AMN1: variants seen among roughly 807,000 people sequenced by gnomAD.
The protein encoded by AMN1 is protein AMN1 homolog.
AMN1 carries 20 observed loss-of-function variants against 33.0 expected under a neutral mutation model. The observed-to-expected ratio is 0.61, with a 90% CI of 0.43 to 0.88. The LOEUF (loss-of-function observed/expected upper bound fraction) is 0.88, where lower values mean the gene tolerates loss of function less well. Among genes scored for constraint, AMN1 ranks in the 40% least tolerant of loss-of-function variants. AMN1 has a pLI of 0.00. For synonymous variants in AMN1, 114 were observed against 111.9 expected, an observed-to-expected ratio of 1.02 and a Z score of -0.12; for missense variants, 246 against 307.4, an observed-to-expected ratio of 0.80 and a Z score of 1.49.
intron 6 of AMN1, among the ~76,000 whole-genome samples, chr12:31,682,969 T>C (rs1938094957): frequency 6.6e-6 from 1 of 151,268 alleles, no homozygotes; most frequent in Non-Finnish European, 1.5e-5. Flanking sequence ...TATTCTTTTT[T>C]TTTTTTTTTT....
At chr12:31,695,487 C>CTTTCTTTTTTTTTTT (rs59342673) in intron 5 of AMN1, among the ~76,000 whole-genome samples, 1 of 130,692 alleles carries the variant, frequency 7.7e-6, no homozygotes, top group Non-Finnish European at 1.6e-5. Flanking sequence ...TTCTTTCTTT[C>CTTTCTTTTTTTTTTT]TTTTTTTTTT....
At chr12:31,690,941 C>G (rs1799005036) in intron 5 of AMN1, among the ~76,000 whole-genome samples, 1 of 152,044 alleles carries the variant, frequency 6.6e-6, no homozygotes, top group Non-Finnish European at 1.5e-5. Flanking sequence ...CGAGACCATC[C>G]TGGCTAACAT....
chr12:31,723,699 TTA>T (rs1939959578), intron 1 of AMN1, among the ~76,000 whole-genome samples: 1 of 152,190 alleles, frequency 6.6e-6, no homozygotes, highest in African/African-American at 2.4e-5. Context: ...TGCCATTTCT[TTA>T]TGTGTTGTCT....
intron 6 of AMN1, 41 bp downstream of exon 6, chr12:31,688,966 A>C (rs1041324720): frequency 7.4e-7 from 1 of 1,352,728 alleles, no homozygotes; most frequent in East Asian, 2.3e-5. Flanking sequence ...ACAGTAAAAG[A>C]TGAAGCCAGA....
At chr12:31,727,671 T>C (rs762235993) in intron 1 of AMN1, among the ~76,000 whole-genome samples, 4 of 152,202 alleles carry the variant, frequency 2.6e-5, no homozygotes, top group Non-Finnish European at 5.9e-5. Context: ...TTTTCCTTAT[T>C]AGAAATTTCA....
intron 3 of AMN1, 110 bp downstream of exon 3, chr12:31,701,753 A>G (rs1329256712): frequency 1.1e-6 from 1 of 913,606 alleles, no homozygotes; most frequent in African/African-American, 1.7e-5. Context: ...TATAATTCAT[A>G]TTTCTCTGAC....
At position 31,685,025 on chromosome 12, in the gene AMN1, A is replaced by ATTGTTTTT. The variant is rs1183167787; in HGVS notation, c.703+3981_703+3982insAAAAACAA. 1.4e-5 allele frequency among the ~76,000 whole-genome samples: 2 copies of ATTGTTTTT among 146,516 alleles called. 1 individual carries two copies. Among genetic ancestry groups the ATTGTTTTT allele is most frequent in the Non-Finnish European group, 3.0e-5 (2 of 66,468 alleles). ...ATTTTTATAAATTTTGTTTTCCATA[A>ATTGTTTTT]TTATTATTTTTTTTTTTTTGAGATA... On this transcript the variant is annotated intron_variant, in intron 6 of 6. Coordinates refer to ENST00000281471, the MANE Select transcript of AMN1 (RefSeq NM_001113402.2).
chr12:31,714,759 A>T (rs1336331369), intron 1 of AMN1: 1 of 205,812 alleles, frequency 4.9e-6, no homozygotes, highest in African/African-American at 2.4e-5. Flanking sequence ...CAATACAAAC[A>T]ACTCTGGAGC....
At chr12:31,722,130 GAC>G (rs57266162) in intron 1 of AMN1, among the ~76,000 whole-genome samples, 7,565 of 143,896 alleles carry the variant, frequency 0.053, 217 homozygotes, top group African/African-American at 0.089. Flanking sequence ...TCAGGCCTTT[GAC>G]ACACACACAC....
chr12:31,691,360 A>T (rs1316734680), intron 5 of AMN1, among the ~76,000 whole-genome samples: 1 of 152,088 alleles, frequency 6.6e-6, no homozygotes, highest in African/African-American at 2.4e-5. Flanking sequence ...TGGTTGCCTA[A>T]GAGAGGGTCA....
At chr12:31,682,963 CT>C (rs34868408) in intron 6 of AMN1, among the ~76,000 whole-genome samples, 2,709 of 137,774 alleles carry the variant, frequency 0.02, 54 homozygotes, top group African/African-American at 0.064. Flanking sequence ...GTATGCTATT[CT>C]TTTTTTTTTT....
chr12:31,725,895 C>T (rs1940044063), intron 1 of AMN1, among the ~76,000 whole-genome samples: 1 of 152,078 alleles, frequency 6.6e-6, no homozygotes, highest in Non-Finnish European at 1.5e-5. Context: ...GACAGGGTTT[C>T]ACCATGTTGG....
chr12:31,728,793 A>G (rs775494203), intron 1 of AMN1, among the ~76,000 whole-genome samples, 178 bp downstream of exon 1: 14 of 151,300 alleles, frequency 9.3e-5, no homozygotes, highest in African/African-American at 1.7e-4. Context: ...ACTTTGCACA[A>G]CTGTCCTCAG....
chr12:31,673,784 CTG>C (rs1951330633), intron 6 of AMN1: 2 of 271,852 alleles, frequency 7.4e-6, no homozygotes, highest in Admixed American at 9.8e-5. Flanking sequence ...CCATGACCAA[CTG>C]AGATTTATCA....
chr12:31,689,116 C>T lies in AMN1; in HGVS notation c.594G>A (p.Glu198=). 1 of 1,599,986 alleles carries T rather than the reference C, an allele frequency of 6.3e-7. No individual in the cohort carries two copies. Among genetic ancestry groups the T allele is most frequent in the Non-Finnish European group, 8.6e-7 (1 of 1,168,880 alleles). ...VSGPCAKKLE[E]IHMGHCVNLT... is the part of the protein sequence containing the mutation. ...GATTTACACAATGTCCCATATGAAT[C>T]TCCTATGCAAAAATAAAGAAAATAA... The change falls in exon 6 of 7, where the codon GAG becomes GAA. Residue 198 remains glutamate, a splice_region_variant and synonymous_variant. Coordinates refer to ENST00000281471, the MANE Select transcript of AMN1 (RefSeq NM_001113402.2).
At chr12:31,715,565 G>A in intron 1 of AMN1, 1 of 163,076 alleles carries the variant, frequency 6.1e-6, no homozygotes, top group South Asian at 1.5e-4. Context: ...TCATTTTTCA[G>A]CAAGCTGCTT....
Position 31,719,161 on chromosome 12 carries a change from C to G in AMN1, c.39-9736G>C, listed in dbSNP as rs143223477. 1,045 of 168,210 alleles carry G rather than the reference C, an allele frequency of 6.2e-3. 6 individuals are homozygous for G. The highest frequency in any genetic ancestry group is 0.024 in the African/African-American group (1,011 of 41,842). 10.4% of individuals were successfully genotyped at this position (168,210 alleles called of 1,614,324 possible). On this transcript the variant is annotated intron_variant, in intron 1 of 6. Transcript: ENST00000281471. ...GGCGACGCCCTGCCCTGCTTCAGCT[C>G]GCCCTCCGTGGGCTGCAGTCACTGT...
chr12:31,719,644 T>C (rs555157873), intron 1 of AMN1, among the ~76,000 whole-genome samples: 1 of 152,226 alleles, frequency 6.6e-6, no homozygotes, highest in Non-Finnish European at 1.5e-5. Flanking sequence ...CTCTCAAACA[T>C]TGAGAGTAGG....
chr12:31,711,149 C>T (rs1345881719), intron 1 of AMN1, among the ~76,000 whole-genome samples: 1 of 152,100 alleles, frequency 6.6e-6, no homozygotes, highest in Non-Finnish European at 1.5e-5. Flanking sequence ...CTTGGGATTA[C>T]AGGCATGAGC....
Sources: gnomAD v4.1 joint callset for allele counts (sites outside exome capture counted in the v4.1 genomes callset) on GRCh38, gnomAD v4.1.1 for gene constraint, MANE v1.5 for transcripts, NCBI Gene and HGNC (gene_info 2026-07-23, HGNC 2026-07-21) for gene names.